The following CASP8 variants were observed in gnomAD, a reference collection of about 807,000 sequenced individuals.
CASP8 encodes caspase-8.
In CASP8, 24 loss-of-function variants were observed where a neutral mutation model predicts 46.3. The ratio of observed to expected loss-of-function variants is 0.52; its 90% CI spans 0.38 to 0.73. The LOEUF (loss-of-function observed/expected upper bound fraction) is 0.73, where lower values mean the gene tolerates loss of function less well. Among genes scored for constraint, CASP8 ranks in the 30% least tolerant of loss-of-function variants. The pLI is 0.00. For synonymous variants in CASP8, 188 were observed against 200.4 expected (o/e 0.94, Z 0.52); for missense variants, 460 against 559.0 (o/e 0.82, Z 1.79).
chr2:201,243,156 A>C (rs1486423618), intron 2 of CASP8, among the ~76,000 whole-genome samples: 1 of 152,208 alleles, frequency 6.6e-6, no homozygotes, highest in Non-Finnish European at 1.5e-5. Flanking sequence ...TCTGCTGTAC[A>C]ACATTGTACC....
In CASP8 at chr2:201,286,688, TCA is replaced by T; in HGVS notation, c.*96_*97del. On this transcript the variant is annotated 3_prime_UTR_variant, in exon 9 of 9. Coordinates refer to ENST00000673742, the MANE Select transcript of CASP8 (RefSeq NM_001372051.1). ...TGGAGTGCAGTGGCGTGATCTCGGC[TCA>T]CCGCAAGCTCCGCCTCCCGGGTTCA... 1 of 1,112,632 alleles carries T rather than the reference TCA, an allele frequency of 9.0e-7. No homozygotes were observed. Among genetic ancestry groups the T allele is most frequent in the South Asian group, 1.3e-5 (1 of 76,048 alleles). The allele number at this position is 1,112,632 out of a possible 1,614,324, so 68.9% of individuals were successfully genotyped here. A position where few individuals can be genotyped will look rare whatever the true frequency, so the allele number is the denominator to read the frequency against.
At chr2:201,268,962 A>G (rs915665047) in intron 2 of CASP8, among the ~76,000 whole-genome samples, 4 of 138,946 alleles carry the variant, frequency 2.9e-5, no homozygotes, top group African/African-American at 1.0e-4. Flanking sequence ...TGTGTGAGAC[A>G]GTGTCTCACT....
chr2:201,252,742 G>A (rs1037483325), intron 2 of CASP8, among the ~76,000 whole-genome samples: 4 of 152,130 alleles, frequency 2.6e-5, no homozygotes, highest in Admixed American at 2.6e-4. Context: ...TGTAAACCAC[G>A]AAAAGTTAAT....
upstream of CASP8, among the ~76,000 whole-genome samples, chr2:201,259,317 C>T (rs1356264997): frequency 2.0e-5 from 3 of 152,134 alleles, no homozygotes; most frequent in African/African-American, 4.8e-5. Flanking sequence ...GGACCACAGG[C>T]GCGTGCTACC....
Position 201,266,718 on chromosome 2 carries a change from T to G in CASP8, c.232T>G (p.Tyr78Asp). The change falls in exon 2 of 9, where the codon TAC becomes GAC. Residue 78 changes from tyrosine (Y) to aspartate (D), a missense_variant. Tyr to Asp is a radical substitution (Grantham distance 160). Transcript: ENST00000673742. The surrounding 1 kb of genome is among the most constrained non-coding windows in gnomAD (Gnocchi z 5.7). The stretch of plus-strand genomic sequence containing the variant: ...TAATAGACTGGATTTGCTGATTACC[T>G]ACCTAAACACTAGAAAGGAGGAGAT... ...RINRLDLLIT[Y>D]LNTRKEEMER... 1 of 1,614,148 alleles carries G rather than the reference T, an allele frequency of 6.2e-7. No individual in the cohort carries two copies. Among genetic ancestry groups the G allele is most frequent in the South Asian group, 1.1e-5 (1 of 91,084 alleles).
At chr2:201,278,634 T>C (rs1460577305) in intron 7 of CASP8, among the ~76,000 whole-genome samples, 1 of 152,084 alleles carries the variant, frequency 6.6e-6, no homozygotes, top group African/African-American at 2.4e-5. Flanking sequence ...CCTCCCAGGT[T>C]CAAGTGATTC....
At chr2:201,241,679 G>T (rs1488005428) in intron 2 of CASP8, 1 of 152,176 alleles carries the variant, frequency 6.6e-6, no homozygotes, top group Admixed American at 6.5e-5. Flanking sequence ...GAAGAAGAGG[G>T]CACACTTCCA....
chr2:201,281,829 T>A, intron 7 of CASP8: 1 of 1,450,194 alleles, frequency 6.9e-7, no homozygotes, highest in East Asian at 2.9e-5. Flanking sequence ...CTCATTTGCT[T>A]CAGGGTTTGA....
rs1265427971 is a variant in CASP8 at position 201,266,026 on chromosome 2, C to CTGGA, written c.-26-434_-26-431dup. Among the ~76,000 whole-genome samples, 1 of 149,076 alleles carries CTGGA rather than the reference C, an allele frequency of 6.7e-6. No individual in the cohort carries two copies. The highest frequency in any genetic ancestry group is 2.0e-4 in the East Asian group (1 of 5,088). On this transcript the variant is annotated intron_variant, in intron 1 of 8. Transcript: ENST00000673742. The surrounding 1 kb of genome is among the most constrained non-coding windows in gnomAD (Gnocchi z 5.7). ...ACGGAGTCTTGCCCTGTCACCCAGG[C>CTGGA]TGGAGTGCAGTGGTGCAATCTCCGC...
At chr2:201,270,762 G>A (rs546878458) in intron 2 of CASP8, among the ~76,000 whole-genome samples, 1 of 152,248 alleles carries the variant, frequency 6.6e-6, no homozygotes, top group South Asian at 2.1e-4. Flanking sequence ...AAACCCCTGG[G>A]CTCAAGTGAT....
chr2:201,243,564 A>G (rs567544560), intron 2 of CASP8, among the ~76,000 whole-genome samples: 2 of 152,334 alleles, frequency 1.3e-5, no homozygotes, highest in South Asian at 2.1e-4. Flanking sequence ...TTTTTGTCAA[A>G]TACTAGGAAG....
At chr2:201,255,327 C>T (rs1389685451) in intron 2 of CASP8, among the ~76,000 whole-genome samples, 1 of 152,178 alleles carries the variant, frequency 6.6e-6, no homozygotes, top group African/African-American at 2.4e-5. Flanking sequence ...ATCCGCCTAC[C>T]TCAATCTCTT....
upstream of CASP8, chr2:201,257,992 T>G (rs17860418): frequency 0.046 from 23,549 of 507,786 alleles, 1,071 homozygotes; most frequent in South Asian, 0.15. Flanking sequence ...GGTTGGAAAT[T>G]GGGCATCTGT....
chr2:201,253,175 T>C (rs1294926890), intron 2 of CASP8, among the ~76,000 whole-genome samples: 9 of 151,916 alleles, frequency 5.9e-5, no homozygotes, highest in Non-Finnish European at 1.3e-4. Flanking sequence ...TTTTTGATTT[T>C]TGGTAAAGAC....
At chr2:201,255,210 A>G (rs952904711) in intron 2 of CASP8, among the ~76,000 whole-genome samples, 3 of 152,090 alleles carry the variant, frequency 2.0e-5, no homozygotes, top group Non-Finnish European at 4.4e-5. Context: ...TGAGTGGCTG[A>G]GACTACAGGC....
Position 201,266,679 on chromosome 2 carries a change from C to G in CASP8, c.193C>G (p.Leu65Val), listed in dbSNP as rs747668924. ...AAGCAATCTGTCCTTCCTGAAGGAG[C>G]TGCTCTTCCGAATTAATAGACTGGA... ...EESNLSFLKE[L>V]LFRINRLDLL... Residue 65 changes from leucine (L) to valine (V), a missense_variant, in exon 2 of 9, where the codon CTG becomes GTG. Leu to Val is a conservative substitution (Grantham distance 32). Coordinates refer to ENST00000673742, the MANE Select transcript of CASP8 (RefSeq NM_001372051.1). This position sits in a 1 kb window ranked among gnomAD's most constrained non-coding sequence, Gnocchi z 5.7. 1 of 1,613,896 alleles carries G rather than the reference C, an allele frequency of 6.2e-7. No individual in the cohort carries two copies. The highest frequency in any genetic ancestry group is 8.5e-7 in the Non-Finnish European group (1 of 1,179,798).
chr2:201,251,090 A>C (rs1946757819), intron 2 of CASP8, among the ~76,000 whole-genome samples: 1 of 152,154 alleles, frequency 6.6e-6, no homozygotes, highest in Non-Finnish European at 1.5e-5. Context: ...TTGATAGCTC[A>C]TTTCTTTTTA....
rs552106738 is a variant in CASP8 at position 201,262,451 on chromosome 2, CTT to C, written c.-27+1839_-27+1840del. ...AATATACTTATGTAATACAAATAGACTTATATACATTTACTATTTAGCAGAGA... is the reference window on the plus strand; with the variant it reads ...AATATACTTATGTAATACAAATAGACATATACATTTACTATTTAGCAGAGA... On this transcript the variant is annotated intron_variant, in intron 1 of 8. Coordinates refer to ENST00000673742, the MANE Select transcript of CASP8 (RefSeq NM_001372051.1). 4.6e-4 allele frequency among the ~76,000 whole-genome samples: 70 copies of C among 151,208 alleles called. No individual in the cohort carries two copies. In the East Asian group the frequency reaches 8.3e-3, roughly 18 times the overall value.
In CASP8 at chr2:201,280,209, G is replaced by T. The variant is rs72932895; in HGVS notation, c.802+3241G>T. Among the ~76,000 whole-genome samples, 795 of 152,154 alleles carry T rather than the reference G, an allele frequency of 5.2e-3. 3 individuals are homozygous for T. Among genetic ancestry groups the T allele is most frequent in the Non-Finnish European group, 9.0e-3 (615 of 67,990 alleles). The stretch of plus-strand genomic sequence containing the variant: ...CCAAAATGAAAAATTCAATAAAGTA[G>T]AAGATAAAGTCTAAGGAAGTAGGAT... On this transcript the variant is annotated intron_variant, in intron 7 of 8. Transcript: ENST00000673742.
Sources: gnomAD v4.1 joint callset for allele counts (sites outside exome capture counted in the v4.1 genomes callset) on GRCh38, gnomAD v4.1.1 for gene constraint, Gnocchi (gnomAD v3.1) non-coding constraint, MANE v1.5 for transcripts, NCBI Gene and HGNC (gene_info 2026-07-23, HGNC 2026-07-21) for gene names.